Variants in ZCCHC7 observed in about 807,000 individuals in gnomAD.
The protein encoded by ZCCHC7 is zinc finger CCHC domain-containing protein 7.
A neutral mutation model predicts 52.0 loss-of-function variants in ZCCHC7; 35 were observed. The observed-to-expected ratio is 0.67, with a 90% CI of 0.51 to 0.89. The LOEUF is 0.89. Ranked by LOEUF, ZCCHC7 falls within the 40% of genes least tolerant of loss-of-function variation. The pLI is 0.00. For missense variants in ZCCHC7, 574 were observed against 649.1 expected, an observed-to-expected ratio of 0.88 and a Z score of 1.26; for synonymous variants, 217 against 221.5, an observed-to-expected ratio of 0.98 and a Z score of 0.18.
chr9:37,244,738 A>G (rs1826011728), intron 2 of ZCCHC7, among the ~76,000 whole-genome samples: 1 of 151,908 alleles, frequency 6.6e-6, no homozygotes, highest in Non-Finnish European at 1.5e-5. Flanking sequence ...GGGTTCTACC[A>G]TGATTGATCA....
At chr9:37,290,930 A>T (rs918761233) in intron 2 of ZCCHC7, among the ~76,000 whole-genome samples, 5 of 152,216 alleles carry the variant, frequency 3.3e-5, no homozygotes, top group East Asian at 1.9e-4. Context: ...TTAATTTTTT[A>T]AAAAAACAGA....
intron 2 of ZCCHC7, among the ~76,000 whole-genome samples, chr9:37,294,252 C>G (rs1362365745): frequency 1.3e-5 from 2 of 152,156 alleles, no homozygotes; most frequent in Non-Finnish European, 2.9e-5. Context: ...CCGTTGAAAA[C>G]AGATGCTGCT....
intron 2 of ZCCHC7, among the ~76,000 whole-genome samples, chr9:37,177,830 C>T (rs574470518): frequency 3.3e-5 from 5 of 152,246 alleles, no homozygotes; most frequent in African/African-American, 1.2e-4. Context: ...ACCCAGTATT[C>T]CTTAAAAACA....
intron 2 of ZCCHC7, among the ~76,000 whole-genome samples, chr9:37,131,831 G>A (rs1331071886): frequency 1.3e-5 from 2 of 151,950 alleles, no homozygotes; most frequent in African/African-American, 4.8e-5. Context: ...CTGTATATAC[G>A]TGACACTTAA....
At chr9:37,243,483 T>C (rs985048030) in intron 2 of ZCCHC7, among the ~76,000 whole-genome samples, 3 of 151,824 alleles carry the variant, frequency 2.0e-5, no homozygotes, top group African/African-American at 4.8e-5. Context: ...AGAGGAGATA[T>C]CAATATTGCT....
chr9:37,299,461 C>T (rs1397104213), intron 2 of ZCCHC7, among the ~76,000 whole-genome samples: 1 of 152,228 alleles, frequency 6.6e-6, no homozygotes, highest in Admixed American at 6.5e-5. Flanking sequence ...CAACACCACA[C>T]AGCAAATTAG....
At chr9:37,131,068 T>C (rs10973226) in intron 2 of ZCCHC7, among the ~76,000 whole-genome samples, 63,781 of 151,636 alleles carry the variant, frequency 0.42, 14,851 homozygotes, top group African/African-American at 0.62. Flanking sequence ...TGGCCAGGCC[T>C]GGTGGCTCAC....
chr9:37,302,358 G>C, intron 3 of ZCCHC7, 127 bp downstream of exon 3: 1 of 734,028 alleles, frequency 1.4e-6, no homozygotes, highest in Non-Finnish European at 2.2e-6. Flanking sequence ...TAGCATATGA[G>C]TGATTTAACT....
chr9:37,286,414 C>G (rs1828208933), intron 2 of ZCCHC7, among the ~76,000 whole-genome samples: 1 of 152,058 alleles, frequency 6.6e-6, no homozygotes, highest in Non-Finnish European at 1.5e-5. Context: ...ATAATTCCAG[C>G]ACTTTGGGAG....
intron 2 of ZCCHC7, among the ~76,000 whole-genome samples, chr9:37,160,673 G>T (rs1230846168): frequency 6.6e-6 from 1 of 152,078 alleles, no homozygotes; most frequent in Non-Finnish European, 1.5e-5. Context: ...ATCACTTGAG[G>T]TCAGGAGTTC....
chr9:37,196,122 A>G (rs1478694645), intron 2 of ZCCHC7, among the ~76,000 whole-genome samples: 1 of 152,126 alleles, frequency 6.6e-6, no homozygotes, highest in African/African-American at 2.4e-5. Context: ...ATATATAAAT[A>G]TTTGGGCATG....
intron 2 of ZCCHC7, among the ~76,000 whole-genome samples, chr9:37,208,644 C>A (rs1282179715): frequency 1.3e-5 from 2 of 152,210 alleles, no homozygotes; most frequent in Admixed American, 6.5e-5. Flanking sequence ...AGCAGCAAAA[C>A]TTGTCACTTT....
chr9:37,330,450 A>G (rs1172987107), intron 6 of ZCCHC7, among the ~76,000 whole-genome samples: 1 of 151,690 alleles, frequency 6.6e-6, no homozygotes, highest in Non-Finnish European at 1.5e-5. Context: ...ACAAACATCC[A>G]TATTATAACA....
At chr9:37,233,675 T>G (rs925056927) in intron 2 of ZCCHC7, among the ~76,000 whole-genome samples, 1 of 152,180 alleles carries the variant, frequency 6.6e-6, no homozygotes, top group African/African-American at 2.4e-5. Context: ...TCACCATCTT[T>G]TAGTATTGCA....
intron 6 of ZCCHC7, among the ~76,000 whole-genome samples, chr9:37,344,417 C>T (rs950979446): frequency 6.6e-6 from 1 of 152,186 alleles, no homozygotes; most frequent in Non-Finnish European, 1.5e-5. Context: ...GATCTGGTCC[C>T]TCCCTGTCCT....
At chr9:37,233,881 T>C (rs549158701) in intron 2 of ZCCHC7, among the ~76,000 whole-genome samples, 7 of 152,132 alleles carry the variant, frequency 4.6e-5, no homozygotes, top group African/African-American at 1.4e-4. Flanking sequence ...TGAGACGGAG[T>C]CTTACTGTGT....
At chr9:37,264,971 T>G (rs1827032461) in intron 2 of ZCCHC7, among the ~76,000 whole-genome samples, 1 of 152,210 alleles carries the variant, frequency 6.6e-6, no homozygotes, top group African/African-American at 2.4e-5. Context: ...TCAGTCTGTA[T>G]TTCTGAATTT....
intron 6 of ZCCHC7, among the ~76,000 whole-genome samples, chr9:37,330,457 A>G (rs968530850): frequency 6.6e-6 from 1 of 151,684 alleles, no homozygotes; most frequent in African/African-American, 2.4e-5. Flanking sequence ...TCCATATTAT[A>G]ACAACCATCT....
At chr9:37,173,077 G>A (rs953379120) in intron 2 of ZCCHC7, among the ~76,000 whole-genome samples, 2 of 149,942 alleles carry the variant, frequency 1.3e-5, no homozygotes, top group African/African-American at 4.9e-5. Flanking sequence ...ATTCCAATAG[G>A]GACTTGAGTG....
Sources: gnomAD v4.1 joint callset for allele counts (sites outside exome capture counted in the v4.1 genomes callset) on GRCh38, gnomAD v4.1.1 for gene constraint, MANE v1.5 for transcripts, NCBI Gene and HGNC (gene_info 2026-07-23, HGNC 2026-07-21) for gene names.